UNC13C: variants seen among roughly 807,000 people sequenced by gnomAD.
UNC13C encodes the protein unc-13 homolog C, also known as protein unc-13 homolog C.
UNC13C carries 174 observed loss-of-function variants against 245.4 expected under a neutral mutation model. The observed-to-expected ratio is 0.71, with a 90% CI of 0.63 to 0.80. The LOEUF (loss-of-function observed/expected upper bound fraction) is 0.80, where lower values mean the gene tolerates loss of function less well. Among genes scored for constraint, UNC13C ranks in the 30% least tolerant of loss-of-function variants. UNC13C has a pLI of 0.00. For missense variants in UNC13C, 2,829 were observed against 2,602.9 expected, an observed-to-expected ratio of 1.09 and a Z score of -1.89; for synonymous variants, 992 against 895.1, an observed-to-expected ratio of 1.11 and a Z score of -1.93.
chr15:54,428,278 C>T (rs1045536508), intron 19 of UNC13C, among the ~76,000 whole-genome samples: 1 of 151,578 alleles, frequency 6.6e-6, no homozygotes, highest in African/African-American at 2.4e-5. Context: ...CAGTCTTTAC[C>T]CTGAACTGGA....
chr15:54,013,989 G>T lies in UNC13C; in HGVS notation c.1086G>T (p.Arg362Ser). The change falls in exon 2 of 33, where the codon AGG becomes AGT. Residue 362 changes from arginine to serine, a missense_variant. By Grantham distance (110) the Arg-to-Ser change is moderately radical (BLOSUM62 -1). Transcript: ENST00000260323. ...PNAIKIEFAQ[R>S]IGHQRDCPNA... ...CTATTAAAATTGAATTTGCTCAGAG[G>T]ATAGGACACCAGAGAGACTGCCCAA... 1 of 1,613,702 alleles carries T rather than the reference G, an allele frequency of 6.2e-7. No homozygotes were observed. Among genetic ancestry groups the T allele is most frequent in the Non-Finnish European group, 8.5e-7 (1 of 1,179,810 alleles).
chr15:54,234,752 G>T (rs1194528383), intron 4 of UNC13C, among the ~76,000 whole-genome samples: 1 of 152,130 alleles, frequency 6.6e-6, no homozygotes, highest in Non-Finnish European at 1.5e-5. Flanking sequence ...TCTTTCCTCT[G>T]TGATACTAAC....
chr15:54,013,732 A>C lies in UNC13C; in HGVS notation c.829A>C (p.Ile277Leu), dbSNP rs761816594. The C allele has an allele frequency of 5.6e-6, 9 of 1,612,694 alleles. No homozygotes were observed. Among genetic ancestry groups the C allele is most frequent in the Admixed American group, 5.0e-5 (3 of 59,876 alleles). Residue 277 changes from isoleucine (I) to leucine (L), a missense_variant, in exon 2 of 33, where the codon ATC becomes CTC. Ile to Leu is a conservative substitution (Grantham distance 5). Transcript: ENST00000260323. The part of the protein sequence containing the change: ...VNALKHSIDE[I>L]SSSVEVVQSE... The stretch of plus-strand genomic sequence containing the variant: ...TGCTCTCAAGCACTCCATCGATGAG[A>C]TCTCCAGCAGTGTGGAGGTTGTACA...
At chr15:54,267,936 TTTTC>T (rs1240467629) in intron 10 of UNC13C, among the ~76,000 whole-genome samples, 8 of 151,956 alleles carry the variant, frequency 5.3e-5, no homozygotes, top group Non-Finnish European at 1.0e-4. Context: ...CTCTGAGGAC[TTTTC>T]TTTCTTTCTT....
chr15:54,604,985 C>G (rs920662176), intron 30 of UNC13C, among the ~76,000 whole-genome samples: 6 of 152,072 alleles, frequency 3.9e-5, no homozygotes, highest in African/African-American at 1.4e-4. Flanking sequence ...AAAAACAGCT[C>G]TGTTCTGTGT....
intron 18 of UNC13C, among the ~76,000 whole-genome samples, chr15:54,406,434 A>G (rs938655487): frequency 1.3e-5 from 2 of 152,188 alleles, no homozygotes; most frequent in Non-Finnish European, 2.9e-5. Flanking sequence ...GGAAAATCAT[A>G]AAGTCCTAAC....
chr15:54,003,710 A>G (rs1000934125), intron 1 of UNC13C, among the ~76,000 whole-genome samples: 6 of 152,160 alleles, frequency 3.9e-5, no homozygotes, highest in Non-Finnish European at 5.9e-5. Context: ...AAAATGTACA[A>G]TTAAACTCTT....
chr15:54,401,828 G>A (rs557082266), intron 18 of UNC13C, among the ~76,000 whole-genome samples: 3 of 152,108 alleles, frequency 2.0e-5, no homozygotes, highest in Non-Finnish European at 4.4e-5. Flanking sequence ...TCCAGGGGCT[G>A]TTTGACTCCA....
intron 30 of UNC13C, among the ~76,000 whole-genome samples, chr15:54,613,678 A>G (rs1274532288): frequency 6.6e-6 from 1 of 152,052 alleles, no homozygotes; most frequent in Non-Finnish European, 1.5e-5. Context: ...TTTTTTAAAA[A>G]GCTAAAAATC....
intron 10 of UNC13C, among the ~76,000 whole-genome samples, chr15:54,285,163 A>T (rs933634294): frequency 6.6e-6 from 1 of 152,066 alleles, no homozygotes; most frequent in Admixed American, 6.5e-5. Context: ...TCTTATTTTC[A>T]TTGTTTCCTA....
intron 4 of UNC13C, among the ~76,000 whole-genome samples, chr15:54,178,733 C>T (rs899766497): frequency 6.6e-6 from 1 of 152,102 alleles, no homozygotes; most frequent in Non-Finnish European, 1.5e-5. Flanking sequence ...TTAAGAAACT[C>T]AAGGAGCCCA....
Position 54,165,136 on chromosome 15 carries a change from A to T in UNC13C, c.3071+21452A>T, listed in dbSNP as rs78315129. Among the ~76,000 whole-genome samples, 1,179 of 152,254 alleles carry T rather than the reference A, an allele frequency of 7.7e-3. 47 individuals carry two copies. In the East Asian group the frequency reaches 0.089, roughly 11 times the overall value. ...TAGTGTCCCCTTTCCCACTTCCAAC[A>T]GTGAACCACTGTTTACAATTTTTTG... On this transcript the variant is annotated intron_variant, in intron 4 of 32. Coordinates refer to ENST00000260323, the MANE Select transcript of UNC13C (RefSeq NM_001080534.3).
downstream of UNC13C, chr15:54,628,749 A>G (rs1901360030): frequency 6.6e-6 from 1 of 152,200 alleles, no homozygotes; most frequent in South Asian, 2.1e-4. Flanking sequence ...TAGATGTCAG[A>G]ATGGTTATTA....
In UNC13C at chr15:54,202,368, A is replaced by G. The variant is rs150903849; in HGVS notation, c.3072-32662A>G. 7.3e-3 allele frequency among the ~76,000 whole-genome samples: 1,115 copies of G among 152,068 alleles called. 9 individuals carry two copies. Among genetic ancestry groups the G allele is most frequent in the Middle Eastern group, 0.01 (3 of 294 alleles). ...AAAGAGACCTCATAGCCAAAGCAAG[A>G]CAAAGCAAGAAGAACAAATATGGAG... On this transcript the variant is annotated intron_variant, in intron 4 of 32. Coordinates refer to ENST00000260323, the MANE Select transcript of UNC13C (RefSeq NM_001080534.3).
chr15:54,511,541 G>GT (rs1894739836), intron 23 of UNC13C, among the ~76,000 whole-genome samples: 1 of 152,054 alleles, frequency 6.6e-6, no homozygotes, highest in African/African-American at 2.4e-5. Flanking sequence ...GTCTGAGTAT[G>GT]TTTTTAAATT....
chr15:54,622,903 T>C (rs1042994336), intron 31 of UNC13C, among the ~76,000 whole-genome samples: 1 of 152,128 alleles, frequency 6.6e-6, no homozygotes, highest in Non-Finnish European at 1.5e-5. Flanking sequence ...AACAATACGC[T>C]CGTTCTATTT....
chr15:54,620,539 T>G (rs1200602864), intron 30 of UNC13C, among the ~76,000 whole-genome samples: 12 of 152,014 alleles, frequency 7.9e-5, no homozygotes, highest in African/African-American at 2.9e-4. Flanking sequence ...TGCGAGAAAA[T>G]TACTCATTTC....
intron 19 of UNC13C, among the ~76,000 whole-genome samples, chr15:54,448,566 A>G (rs986498692): frequency 1.3e-5 from 2 of 152,054 alleles, no homozygotes; most frequent in African/African-American, 4.8e-5. Flanking sequence ...GTTGGTTTAA[A>G]GTCTGTTTTA....
chr15:53,994,451 C>T (rs1420329297), intron 1 of UNC13C, among the ~76,000 whole-genome samples: 1 of 151,904 alleles, frequency 6.6e-6, no homozygotes, highest in African/African-American at 2.4e-5. Context: ...ACTTGAGTGC[C>T]TTGAAGCATA....
Sources: gnomAD v4.1 joint callset for allele counts (sites outside exome capture counted in the v4.1 genomes callset) on GRCh38, gnomAD v4.1.1 for gene constraint, MANE v1.5 for transcripts, NCBI Gene and HGNC (gene_info 2026-07-23, HGNC 2026-07-21) for gene names.